Variants in PEX5L observed in about 807,000 individuals in gnomAD.
PEX5L encodes the protein PEX5-related protein.
A neutral mutation model predicts 84.0 loss-of-function variants in PEX5L; 30 were observed. The ratio of observed to expected loss-of-function variants is 0.36; its 90% CI spans 0.27 to 0.48. PEX5L has a LOEUF of 0.48. Among genes scored for constraint, PEX5L ranks in the 20% least tolerant of loss-of-function variants. PEX5L has a pLI of 0.99. For missense variants in PEX5L, 533 were observed against 754.6 expected, an observed-to-expected ratio of 0.71 and a Z score of 3.44; for synonymous variants, 270 against 283.1, an observed-to-expected ratio of 0.95 and a Z score of 0.46.
intron 2 of PEX5L, among the ~76,000 whole-genome samples, chr3:179,906,010 T>G (rs1015845487): frequency 6.6e-6 from 1 of 152,210 alleles, no homozygotes; most frequent in Non-Finnish European, 1.5e-5. Flanking sequence ...AGATGAAAAG[T>G]TTTAATTAGA....
chr3:179,975,150 T>C (rs6787707), intron 1 of PEX5L, among the ~76,000 whole-genome samples: 31,467 of 151,988 alleles, frequency 0.21, 4,131 homozygotes, highest in African/African-American at 0.38. Context: ...GAATGCACTA[T>C]TGCACTCCAG....
rs140461736 is a variant in PEX5L at position 180,029,153 on chromosome 3, T to C, written c.21+7426A>G. ...TGTTTATCTTGGAGGAGAAAAGATT[T>C]AAGGGAATGGGGACATAATAGTTCT... On this transcript the variant is annotated intron_variant, in intron 1 of 14. Transcript: ENST00000467460. Among the ~76,000 whole-genome samples the C allele has an allele frequency of 1.6e-3, 242 of 152,290 alleles. 1 individual carries two copies. The Middle Eastern group carries it at 0.031, about 19-fold the overall frequency.
chr3:180,034,246 T>C (rs544175763), intron 1 of PEX5L, among the ~76,000 whole-genome samples: 2 of 152,342 alleles, frequency 1.3e-5, no homozygotes, highest in African/African-American at 2.4e-5. Context: ...TCTGTTTCAC[T>C]CTTGTTTTAA....
intron 1 of PEX5L, among the ~76,000 whole-genome samples, chr3:179,993,303 C>A (rs905090678): frequency 6.6e-6 from 1 of 151,978 alleles, no homozygotes. Context: ...GCCCATTTTC[C>A]TATTGAGTTT....
chr3:179,884,227 G>A (rs1158828351), intron 4 of PEX5L, among the ~76,000 whole-genome samples: 1 of 152,184 alleles, frequency 6.6e-6, no homozygotes, highest in Non-Finnish European at 1.5e-5. Context: ...ACCTTGACAT[G>A]TCACATGGCA....
At chr3:179,898,436 G>A in intron 2 of PEX5L, 190 bp from the exon 3 acceptor site, 1 of 437,398 alleles carries the variant, frequency 2.3e-6, no homozygotes, top group Non-Finnish European at 4.0e-6. Flanking sequence ...TGAACTTTTA[G>A]TTAGCTACTT....
intron 2 of PEX5L, among the ~76,000 whole-genome samples, chr3:179,930,937 T>C (rs1367077746): frequency 6.6e-6 from 1 of 152,334 alleles, no homozygotes; most frequent in East Asian, 1.9e-4. Context: ...CCACTGGATA[T>C]TGAGTTCCTT....
chr3:179,867,775 T>C (rs947514234), intron 7 of PEX5L, among the ~76,000 whole-genome samples: 4 of 152,194 alleles, frequency 2.6e-5, no homozygotes, highest in Non-Finnish European at 5.9e-5. Flanking sequence ...ACAATCATTT[T>C]GGAAGAGGAA....
rs577268800 is a variant in PEX5L, at chr3:179,830,237, CTTATA to C, written c.823-10266_823-10262del. Among the ~76,000 whole-genome samples the C allele has an allele frequency of 4.7e-4, 71 of 151,988 alleles. No individual in the cohort carries two copies. The East Asian group carries it at 0.013, about 27-fold the overall frequency. Reference sequence around the variant, plus strand: ...AGAGAAAGTCCAATTTAAAAAATCACTTATATTGTATTGATCATATTGCCCTGATA... The same window carrying C: ...AGAGAAAGTCCAATTTAAAAAATCACTTGTATTGATCATATTGCCCTGATA... On this transcript the variant is annotated intron_variant, in intron 8 of 14. Transcript: ENST00000467460.
In PEX5L at chr3:179,874,421, G is replaced by A. The variant is rs769371057; in HGVS notation, c.632C>T (p.Ser211Phe). Residue 211 changes from serine to phenylalanine, a missense_variant and splice_region_variant, in exon 7 of 15, where the codon TCC (serine) becomes TTC (phenylalanine). Ser to Phe is a radical substitution (Grantham distance 155). Transcript: ENST00000467460. The part of the protein sequence containing the change: ...SRTGSKELLW[S>F]SEHRSQPELS... ...TTCTGGTTGAGATCTGTGTTCTGAG[G>A]ACCTATAAGGGATGCATTAAGGAAA... The A allele has an allele frequency of 1.9e-6, 3 of 1,569,120 alleles. No individual in the cohort carries two copies. In the Admixed American group the frequency reaches 5.2e-5, roughly 27 times the overall value.
intron 13 of PEX5L, 138 bp downstream of exon 13, chr3:179,808,134 C>T (rs1722131310): frequency 4.6e-6 from 3 of 657,240 alleles, no homozygotes; most frequent in Non-Finnish European, 7.4e-6. Flanking sequence ...CACAGTAGCA[C>T]ATTATTATTA....
intron 4 of PEX5L, among the ~76,000 whole-genome samples, chr3:179,883,557 G>A (rs1754817750): frequency 6.6e-6 from 1 of 152,234 alleles, no homozygotes; most frequent in Non-Finnish European, 1.5e-5. Flanking sequence ...GCTGAGGCAG[G>A]CGGATCACCT....
chr3:179,915,579 T>G (rs1412818639), intron 2 of PEX5L, among the ~76,000 whole-genome samples: 2 of 151,960 alleles, frequency 1.3e-5, no homozygotes, highest in East Asian at 3.9e-4. Flanking sequence ...GAAAATAGAG[T>G]GCTTATGTGT....
At chr3:179,803,143 A>G (rs371940900) in intron 14 of PEX5L, among the ~76,000 whole-genome samples, 1 of 152,232 alleles carries the variant, frequency 6.6e-6, no homozygotes, top group African/African-American at 2.4e-5. Flanking sequence ...TGATATCGCA[A>G]CAGACTGACT....
At chr3:179,919,025 G>A (rs1480081723) in intron 2 of PEX5L, among the ~76,000 whole-genome samples, 1 of 152,178 alleles carries the variant, frequency 6.6e-6, no homozygotes, top group Non-Finnish European at 1.5e-5. Context: ...CATTCCACAG[G>A]TTCTAGGGCT....
intron 2 of PEX5L, among the ~76,000 whole-genome samples, chr3:179,908,928 T>C (rs1160953294): frequency 6.6e-6 from 1 of 152,224 alleles, no homozygotes; most frequent in African/African-American, 2.4e-5. Flanking sequence ...TACTGTCTAC[T>C]TCATAGATTT....
intron 1 of PEX5L, among the ~76,000 whole-genome samples, chr3:180,007,894 T>A (rs1789070028): frequency 6.6e-6 from 1 of 152,202 alleles, no homozygotes; most frequent in Admixed American, 6.5e-5. Flanking sequence ...TTCCTGGGCC[T>A]CTGGGCCTGT....
Position 179,874,216 on chromosome 3 carries a change from C to T in PEX5L, c.726+111G>A, listed in dbSNP as rs781470860. On this transcript the variant is annotated intron_variant, in intron 7 of 14. Coordinates refer to ENST00000467460, the MANE Select transcript of PEX5L (RefSeq NM_016559.3). ...CTACTGAATGAAACAGCACATGAAA[C>T]GCAATGTACAAAAAATACTTCAAAC... 9.4e-5 allele frequency: 54 copies of T among 573,072 alleles called. 1 individual carries two copies. The highest frequency in any genetic ancestry group is 3.2e-4 in the Middle Eastern group (1 of 3,082). 35.5% of individuals were successfully genotyped at this position (573,072 alleles called of 1,614,324 possible).
At chr3:179,803,554 C>T (rs1287577282) in intron 14 of PEX5L, among the ~76,000 whole-genome samples, 6 of 152,158 alleles carry the variant, frequency 3.9e-5, no homozygotes, top group Admixed American at 2.0e-4. Flanking sequence ...CTGGGTCTGC[C>T]CTCTTCAGCA....
Sources: allele counts gnomAD v4.1 joint callset (sites outside exome capture counted in the v4.1 genomes callset), GRCh38; gene constraint gnomAD v4.1.1; transcripts MANE v1.5; gene names NCBI Gene and HGNC (gene_info 2026-07-23, HGNC 2026-07-21).